The following CCSER1 variants were observed in gnomAD, a reference collection of about 807,000 sequenced individuals.
CCSER1 encodes coiled-coil serine rich protein 1, also known as serine-rich coiled-coil domain-containing protein 1.
A neutral mutation model predicts 82.0 loss-of-function variants in CCSER1; 41 were observed. The ratio of observed to expected loss-of-function variants is 0.50; its 90% CI spans 0.39 to 0.65. The LOEUF (loss-of-function observed/expected upper bound fraction) is 0.65, where lower values mean the gene tolerates loss of function less well. Among genes scored for constraint, CCSER1 ranks in the 30% least tolerant of loss-of-function variants. The pLI, the probability that CCSER1 is intolerant of heterozygous loss-of-function variation, is 0.00. For synonymous variants in CCSER1, 414 were observed against 383.9 expected, an observed-to-expected ratio of 1.08 and a Z score of -0.92; for missense variants, 1,119 against 1,064.2, an observed-to-expected ratio of 1.05 and a Z score of -0.72.
At chr4:90,290,125 A>G (rs920107755) in intron 1 of CCSER1, among the ~76,000 whole-genome samples, 2 of 151,862 alleles carry the variant, frequency 1.3e-5, no homozygotes, top group Admixed American at 6.6e-5. Flanking sequence ...AACTCCTGGT[A>G]CATTTGAATT....
At chr4:91,479,699 T>G (rs1369599486) in intron 10 of CCSER1, among the ~76,000 whole-genome samples, 1 of 106,288 alleles carries the variant, frequency 9.4e-6, no homozygotes, top group African/African-American at 2.9e-5. Flanking sequence ...TTCTTTTTTT[T>G]TTCTTTTTTT....
intron 10 of CCSER1, among the ~76,000 whole-genome samples, chr4:91,167,236 G>C (rs1175570617): frequency 7.7e-6 from 1 of 129,132 alleles, no homozygotes; most frequent in Non-Finnish European, 1.5e-5. Flanking sequence ...ACACAGACTA[G>C]AGTGCATTGG....
intron 1 of CCSER1, among the ~76,000 whole-genome samples, chr4:90,222,971 A>G (rs1275037625): frequency 2.0e-5 from 3 of 152,186 alleles, no homozygotes; most frequent in Non-Finnish European, 4.4e-5. Flanking sequence ...TTGTATGTAT[A>G]TATGTGTGTG....
intron 10 of CCSER1, among the ~76,000 whole-genome samples, chr4:91,386,031 T>C (rs540997566): frequency 4.0e-5 from 6 of 151,872 alleles, no homozygotes; most frequent in African/African-American, 1.4e-4. Context: ...TATATGCTTC[T>C]AGGCCCTCTT....
chr4:90,202,305 C>T (rs942847170), intron 1 of CCSER1, among the ~76,000 whole-genome samples: 1 of 151,704 alleles, frequency 6.6e-6, no homozygotes, highest in Non-Finnish European at 1.5e-5. Flanking sequence ...CAGGTTCAAG[C>T]GATTCTTGTG....
chr4:90,910,391 ATGATT>A (rs1463932218), intron 8 of CCSER1, among the ~76,000 whole-genome samples: 2 of 152,212 alleles, frequency 1.3e-5, no homozygotes, highest in African/African-American at 4.8e-5. Context: ...AGTATTCCTA[ATGATT>A]TCAATCTCTA....
chr4:90,261,771 T>C (rs1224574150), intron 1 of CCSER1, among the ~76,000 whole-genome samples: 1 of 152,206 alleles, frequency 6.6e-6, no homozygotes, highest in African/African-American at 2.4e-5. Flanking sequence ...AATCCCATAT[T>C]TCTTGGAGAC....
intron 10 of CCSER1, among the ~76,000 whole-genome samples, chr4:91,552,064 G>A (rs1433110101): frequency 6.6e-6 from 1 of 151,616 alleles, no homozygotes; most frequent in Non-Finnish European, 1.5e-5. Context: ...GAAGAAATAA[G>A]TTCATTTTTT....
At chr4:91,518,941 C>T (rs1393589452) in intron 10 of CCSER1, among the ~76,000 whole-genome samples, 2 of 152,216 alleles carry the variant, frequency 1.3e-5, no homozygotes, top group Non-Finnish European at 2.9e-5. Context: ...CTGATCCATG[C>T]AGTGGCTGCA....
intron 6 of CCSER1, among the ~76,000 whole-genome samples, chr4:90,641,061 T>C (rs1404794806): frequency 2.6e-5 from 4 of 152,148 alleles, no homozygotes; most frequent in Non-Finnish European, 4.4e-5. Context: ...AGTGTAATGG[T>C]GCATGTTCAA....
chr4:90,653,606 A>G lies in CCSER1; in HGVS notation c.1932+25374A>G, dbSNP rs1421956947. 2.6e-5 allele frequency among the ~76,000 whole-genome samples: 4 copies of G among 152,242 alleles called. No homozygotes were observed. In the East Asian group the frequency reaches 7.7e-4, roughly 29 times the overall value. ...ACATTTTGAAATATCTTATTTTTTA[A>G]CATAATTTTTATATTTCCAGTAAAT... is the stretch of plus-strand genomic sequence containing the variant. On this transcript the variant is annotated intron_variant, in intron 6 of 10. Coordinates refer to ENST00000509176, the MANE Select transcript of CCSER1 (RefSeq NM_001145065.2).
chr4:90,212,166 A>G (rs1740139249), intron 1 of CCSER1, among the ~76,000 whole-genome samples: 1 of 152,202 alleles, frequency 6.6e-6, no homozygotes. Flanking sequence ...TGCCACAATA[A>G]GATTCCCAAA....
intron 1 of CCSER1, among the ~76,000 whole-genome samples, chr4:90,195,385 T>C (rs1736412510): frequency 6.6e-6 from 1 of 152,076 alleles, no homozygotes; most frequent in African/African-American, 2.4e-5. Flanking sequence ...TTCAACTATA[T>C]GACAGTCCAG....
intron 6 of CCSER1, among the ~76,000 whole-genome samples, chr4:90,636,205 A>G (rs1442416122): frequency 1.3e-5 from 2 of 152,002 alleles, no homozygotes; most frequent in Admixed American, 6.6e-5. Context: ...AAATGACAAA[A>G]ACAATTTTTT....
intron 1 of CCSER1, among the ~76,000 whole-genome samples, chr4:90,296,464 C>T (rs1157675222): frequency 6.6e-6 from 1 of 151,936 alleles, no homozygotes; most frequent in Non-Finnish European, 1.5e-5. Flanking sequence ...CTGATGGTGG[C>T]TTCTTTTGCT....
At chr4:91,150,066 G>A (rs2148950325) in intron 10 of CCSER1, among the ~76,000 whole-genome samples, 1 of 152,194 alleles carries the variant, frequency 6.6e-6, no homozygotes, top group East Asian at 1.9e-4. Flanking sequence ...AAATTACCTT[G>A]GGCAGTATGA....
intron 3 of CCSER1, among the ~76,000 whole-genome samples, chr4:90,377,809 G>T (rs1016454907): frequency 2.6e-5 from 4 of 152,016 alleles, no homozygotes; most frequent in Admixed American, 6.6e-5. Flanking sequence ...AACATAATTG[G>T]AAATAAATGA....
chr4:90,975,214 G>C (rs1473651718), intron 9 of CCSER1, among the ~76,000 whole-genome samples: 1 of 151,246 alleles, frequency 6.6e-6, no homozygotes, highest in African/African-American at 2.4e-5. Context: ...TTAAGAGAAG[G>C]GAGAGTAGGA....
At chr4:90,948,424 A>G (rs1732517886) in intron 9 of CCSER1, among the ~76,000 whole-genome samples, 1 of 151,878 alleles carries the variant, frequency 6.6e-6, no homozygotes, top group Non-Finnish European at 1.5e-5. Flanking sequence ...TTTTAGAGAT[A>G]CATATTTTCT....
Sources: gnomAD v4.1 joint callset for allele counts (sites outside exome capture counted in the v4.1 genomes callset) on GRCh38, gnomAD v4.1.1 for gene constraint, MANE v1.5 for transcripts, NCBI Gene and HGNC (gene_info 2026-07-23, HGNC 2026-07-21) for gene names.